The following NKAIN2 variants were observed in gnomAD, a reference collection of about 807,000 sequenced individuals.
The protein encoded by NKAIN2 is sodium/potassium-transporting ATPase subunit beta-1-interacting protein 2.
Under a neutral mutation model 32.6 loss-of-function variants are expected in NKAIN2, and 14 were observed. The observed-to-expected ratio is 0.43, with a 90% CI of 0.28 to 0.67. The LOEUF (loss-of-function observed/expected upper bound fraction) is 0.67, where lower values mean the gene tolerates loss of function less well. NKAIN2 is among the 30% of genes least tolerant of loss of function. The pLI is 0.17. For missense variants in NKAIN2, 198 were observed against 258.3 expected (o/e 0.77, Z 1.60); for synonymous variants, 80 against 87.2 (o/e 0.92, Z 0.46).
chr6:124,605,108 C>G (rs72973898), intron 3 of NKAIN2, among the ~76,000 whole-genome samples: 1 of 151,994 alleles, frequency 6.6e-6, no homozygotes, highest in South Asian at 2.1e-4. Flanking sequence ...GGCTTTGTAA[C>G]AATATTTTTA....
chr6:124,001,917 C>T (rs1779892743), intron 1 of NKAIN2, among the ~76,000 whole-genome samples: 1 of 150,434 alleles, frequency 6.6e-6, no homozygotes, highest in Non-Finnish European at 1.5e-5. Context: ...CATAATTTTG[C>T]CATTTCCACA....
chr6:124,667,053 C>G (rs541998153), intron 4 of NKAIN2, among the ~76,000 whole-genome samples: 1 of 152,220 alleles, frequency 6.6e-6, no homozygotes, highest in South Asian at 2.1e-4. Context: ...ACTTACTCCC[C>G]AGATAGAACT....
chr6:123,870,536 A>G (rs758660611), intron 1 of NKAIN2, among the ~76,000 whole-genome samples: 3 of 152,302 alleles, frequency 2.0e-5, no homozygotes, highest in South Asian at 4.1e-4. Flanking sequence ...CTGCTGTGTA[A>G]TATGTGGACC....
intron 2 of NKAIN2, among the ~76,000 whole-genome samples, chr6:124,325,748 G>A (rs1249992634): frequency 2.0e-5 from 3 of 152,060 alleles, no homozygotes; most frequent in African/African-American, 7.2e-5. Flanking sequence ...ATTATTAGGG[G>A]TGTTAGAAAT....
chr6:124,780,119 G>A (rs923202886), intron 4 of NKAIN2, among the ~76,000 whole-genome samples: 1 of 152,154 alleles, frequency 6.6e-6, no homozygotes, highest in African/African-American at 2.4e-5. Context: ...TGAAGTTCAA[G>A]ACCCAGCAAA....
intron 3 of NKAIN2, among the ~76,000 whole-genome samples, chr6:124,527,589 C>T (rs1010963485): frequency 2.0e-5 from 3 of 152,114 alleles, no homozygotes; most frequent in Admixed American, 2.0e-4. Context: ...TTCATTTATG[C>T]ATAAATTTTG....
At position 124,721,496 on chromosome 6, in the gene NKAIN2, G is replaced by C. The variant is rs375021211; in HGVS notation, c.474+63110G>C. ...TTTCTGATGCAGAGTGTACACTGAAGGATTCAAGATACTGAGAACCCGCTG... is the reference window on the plus strand; with the variant it reads ...TTTCTGATGCAGAGTGTACACTGAACGATTCAAGATACTGAGAACCCGCTG... On this transcript the variant is annotated intron_variant, in intron 4 of 6. Transcript: ENST00000368417. Among the ~76,000 whole-genome samples the C allele has an allele frequency of 2.6e-5, 4 of 152,032 alleles. No homozygotes were observed. The East Asian group carries it at 7.7e-4, about 29-fold the overall frequency.
chr6:123,933,725 T>C (rs1385176464), intron 1 of NKAIN2, among the ~76,000 whole-genome samples: 5 of 152,238 alleles, frequency 3.3e-5, no homozygotes. Flanking sequence ...GCTTGGCCTT[T>C]TGGGGGCTGT....
chr6:123,894,993 T>A (rs879419851), intron 1 of NKAIN2, among the ~76,000 whole-genome samples: 2 of 151,972 alleles, frequency 1.3e-5, no homozygotes, highest in Non-Finnish European at 2.9e-5. Flanking sequence ...TATAGCGCCC[T>A]AGAGGCTCAA....
At position 124,355,273 on chromosome 6, in the gene NKAIN2, G is replaced by C. The variant is rs1234862159; in HGVS notation, c.199G>C (p.Val67Leu). 6.3e-7 allele frequency: 1 copy of C among 1,599,508 alleles called. No individual in the cohort carries two copies. The highest frequency in any genetic ancestry group is 8.6e-7 in the Non-Finnish European group (1 of 1,166,908). The stretch of plus-strand genomic sequence containing the variant: ...CTCTCTTGCTTCTCTACAGTATGCT[G>C]TCTGGCTAGTCCTCTGGGTTACGTG... ...YRPRYITGYA[V>L]WLVLWVTWNV... Residue 67 changes from valine to leucine, a missense_variant, in exon 3 of 7, where the codon GTC becomes CTC. Physicochemically the swap from Val to Leu is conservative, Grantham distance 32. Transcript: ENST00000368417.
intron 1 of NKAIN2, among the ~76,000 whole-genome samples, chr6:123,843,632 T>G (rs1774971852): frequency 6.6e-6 from 1 of 152,150 alleles, no homozygotes; most frequent in African/African-American, 2.4e-5. Context: ...GACCTCGCCC[T>G]CTTCTACCCA....
intron 4 of NKAIN2, among the ~76,000 whole-genome samples, chr6:124,664,666 C>T (rs917214280): frequency 2.0e-5 from 3 of 147,592 alleles, no homozygotes; most frequent in Non-Finnish European, 4.5e-5. Flanking sequence ...TAGTGGCGGG[C>T]GCCTGTAGTC....
chr6:124,315,220 C>T (rs549504517), intron 2 of NKAIN2, among the ~76,000 whole-genome samples: 2 of 152,166 alleles, frequency 1.3e-5, no homozygotes, highest in East Asian at 3.9e-4. Flanking sequence ...ACAAGTCTTG[C>T]ATCTTGGGTT....
intron 1 of NKAIN2, among the ~76,000 whole-genome samples, chr6:123,932,406 C>CTTTTTTTTTTTTTTTTTTTTTTT (rs57063550): frequency 1.9e-5 from 2 of 104,392 alleles, no homozygotes; most frequent in African/African-American, 8.4e-5. Context: ...TTCTGTCTTT[C>CTTTTTTTTTTTTTTTTTTTTTTT]TTTTTTTTTT....
intron 3 of NKAIN2, among the ~76,000 whole-genome samples, chr6:124,549,017 A>G (rs1394726137): frequency 6.6e-6 from 1 of 152,156 alleles, no homozygotes; most frequent in African/African-American, 2.4e-5. Flanking sequence ...GAAACCACAG[A>G]CAACTCTTTT....
chr6:123,892,779 A>G (rs1052964302), intron 1 of NKAIN2, among the ~76,000 whole-genome samples: 1 of 151,712 alleles, frequency 6.6e-6, no homozygotes, highest in African/African-American at 2.4e-5. Context: ...ACAGACTAGC[A>G]TGTACAGATG....
intron 5 of NKAIN2, among the ~76,000 whole-genome samples, chr6:124,816,051 T>C (rs1021121083): frequency 5.9e-5 from 9 of 152,192 alleles, no homozygotes; most frequent in African/African-American, 1.9e-4. Flanking sequence ...ATTATGCCAT[T>C]CCACTTTGGA....
chr6:124,740,624 C>T (rs1018928417), intron 4 of NKAIN2, among the ~76,000 whole-genome samples: 1 of 151,758 alleles, frequency 6.6e-6, no homozygotes, highest in African/African-American at 2.4e-5. Flanking sequence ...ATAAAATCAA[C>T]CATGTTAATA....
At chr6:124,076,739 C>A (rs1783714389) in intron 1 of NKAIN2, among the ~76,000 whole-genome samples, 1 of 152,156 alleles carries the variant, frequency 6.6e-6, no homozygotes, top group South Asian at 2.1e-4. Flanking sequence ...AAAGGTGAGC[C>A]TTCTGCTTTT....
Sources: gnomAD v4.1 joint callset for allele counts (sites outside exome capture counted in the v4.1 genomes callset) on GRCh38, gnomAD v4.1.1 for gene constraint, MANE v1.5 for transcripts, NCBI Gene and HGNC (gene_info 2026-07-23, HGNC 2026-07-21) for gene names.